Variants in NEBL observed in about 807,000 individuals in gnomAD.
The protein encoded by NEBL is LIM and SH3 protein 2.
A neutral mutation model predicts 140.2 loss-of-function variants in NEBL; 122 were observed. The ratio of observed to expected loss-of-function variants is 0.87; its 90% confidence interval spans 0.75 to 1.01. The LOEUF is 1.01. NEBL is among the 50% of genes least tolerant of loss of function. The pLI is 0.00. For missense variants in NEBL, 1,365 were observed against 1,231.3 expected (o/e 1.11, Z -1.62); for synonymous variants, 436 against 398.9 (o/e 1.09, Z -1.11).
intron 3 of NEBL, among the ~76,000 whole-genome samples, chr10:21,188,528 A>G (rs1323745931): frequency 6.6e-6 from 1 of 152,136 alleles, no homozygotes; most frequent in Non-Finnish European, 1.5e-5. Flanking sequence ...AAAATGCCTA[A>G]GTATAATAGT....
chr10:21,292,085 C>T (rs1470513941), intron 1 of NEBL, among the ~76,000 whole-genome samples: 2 of 152,132 alleles, frequency 1.3e-5, no homozygotes, highest in Non-Finnish European at 2.9e-5. Flanking sequence ...AGGACCAAAA[C>T]ATCTGATTTT....
chr10:21,212,655 C>G (rs1245519616), intron 3 of NEBL, among the ~76,000 whole-genome samples: 1 of 152,174 alleles, frequency 6.6e-6, no homozygotes, highest in Admixed American at 6.5e-5. Flanking sequence ...ATTTTTGTTA[C>G]CACACCTGGC....
intron 4 of NEBL, among the ~76,000 whole-genome samples, chr10:20,958,474 CT>C (rs1835906346): frequency 6.6e-6 from 1 of 152,134 alleles, no homozygotes; most frequent in Non-Finnish European, 1.5e-5. Context: ...ACCTGGACTT[CT>C]GAACATTATC....
At position 21,275,792 on chromosome 10, in the gene NEBL, C is replaced by T. The variant is rs1842914256; in HGVS notation, n.182+17038G>A. Among the ~76,000 whole-genome samples the T allele has an allele frequency of 3.3e-5, 5 of 150,724 alleles. No homozygotes were observed. The East Asian group carries it at 5.8e-4, about 18-fold the overall frequency. On this transcript the variant is annotated intron_variant and non_coding_transcript_variant, in intron 1 of 8. Transcript: ENST00000675702. ...AGTAGCTGGGATTACAGGCAAGTGC[C>T]ACCACACCCAGCTAATTTTTTTTTT...
upstream of NEBL, chr10:21,174,352 C>G (rs1841238895): frequency 1.3e-5 from 2 of 152,490 alleles, no homozygotes; most frequent in Admixed American, 6.5e-5. Context: ...GCGCCACCGC[C>G]GCTGCAGGCC....
intron 12 of NEBL, among the ~76,000 whole-genome samples, chr10:20,842,635 T>C (rs1026101063): frequency 6.6e-6 from 1 of 152,102 alleles, no homozygotes; most frequent in African/African-American, 2.4e-5. Context: ...CATATATTTA[T>C]GGGGTACAGA....
At position 20,799,948 on chromosome 10, in the gene NEBL, T is replaced by C. The variant is rs866976778; in HGVS notation, c.2761+8562A>G. Among the ~76,000 whole-genome samples the C allele has an allele frequency of 2.0e-5, 3 of 150,454 alleles. No individual in the cohort carries two copies. The Admixed American group carries it at 2.0e-4, about 10-fold the overall frequency. ...ACGTGTGTGTGTGTGTGTGTGTGTGTGAGACGGAGAAAGAGAGAGCGCACG... is the reference window on the plus strand; with the variant it reads ...ACGTGTGTGTGTGTGTGTGTGTGTGCGAGACGGAGAAAGAGAGAGCGCACG... On this transcript the variant is annotated intron_variant, in intron 26 of 27. Coordinates refer to ENST00000377122, the MANE Select transcript of NEBL (RefSeq NM_006393.3).
intron 2 of NEBL, among the ~76,000 whole-genome samples, chr10:21,071,768 A>C (rs1385284833): frequency 6.6e-6 from 1 of 151,550 alleles, no homozygotes; most frequent in South Asian, 2.1e-4. Flanking sequence ...TGCAGTTCCA[A>C]AGATCAGAGG....
intron 2 of NEBL, among the ~76,000 whole-genome samples, chr10:21,111,340 A>G (rs564261716): frequency 2.0e-5 from 3 of 152,300 alleles, no homozygotes; most frequent in Admixed American, 2.0e-4. Context: ...CTGACTTCAA[A>G]CTATACTACA....
intron 3 of NEBL, among the ~76,000 whole-genome samples, chr10:21,000,086 C>T (rs1262551723): frequency 6.6e-6 from 1 of 150,598 alleles, no homozygotes; most frequent in East Asian, 2.0e-4. Context: ...GAAGGCGGCC[C>T]GTGGCAGTGT....
chr10:21,000,129 G>A (rs1341367291), intron 3 of NEBL, among the ~76,000 whole-genome samples: 3 of 146,304 alleles, frequency 2.1e-5, no homozygotes, highest in African/African-American at 7.6e-5. Context: ...GAAGAGCTTT[G>A]GCCACTAGGG....
chr10:21,011,779 G>A (rs756170232), intron 3 of NEBL, among the ~76,000 whole-genome samples: 39 of 152,270 alleles, frequency 2.6e-4, no homozygotes, highest in African/African-American at 7.9e-4. Context: ...CATGCTTCTC[G>A]TTGAGGTCTA....
At chr10:21,267,321 C>T (rs1250429613) in intron 1 of NEBL, among the ~76,000 whole-genome samples, 2 of 151,806 alleles carry the variant, frequency 1.3e-5, no homozygotes, top group Non-Finnish European at 2.9e-5. Context: ...GCCATGTTGG[C>T]CAGGCTGGTC....
chr10:21,004,908 T>A (rs1838067371), intron 3 of NEBL, among the ~76,000 whole-genome samples: 1 of 152,154 alleles, frequency 6.6e-6, no homozygotes, highest in Non-Finnish European at 1.5e-5. Flanking sequence ...CCTTTCTTTT[T>A]CCTCTAAAAC....
intron 3 of NEBL, among the ~76,000 whole-genome samples, chr10:21,184,591 C>T (rs968892756): frequency 6.6e-5 from 10 of 151,992 alleles, no homozygotes; most frequent in Non-Finnish European, 5.9e-5. Context: ...GAAAAGGAAA[C>T]CTGATCCCCT....
chr10:21,160,157 C>T (rs772853407), intron 2 of NEBL, among the ~76,000 whole-genome samples: 8 of 151,956 alleles, frequency 5.3e-5, no homozygotes, highest in Non-Finnish European at 1.2e-4. Context: ...CATGTTTATT[C>T]AGTCCCTGTT....
rs71578971 is a variant in NEBL, at chr10:20,783,079, C to T, written c.*2668G>A. The T allele has an allele frequency of 4.6e-5, 7 of 152,594 alleles. No homozygotes were observed. Among genetic ancestry groups the T allele is most frequent in the African/African-American group, 1.4e-4 (6 of 41,452 alleles). 9.5% of individuals were successfully genotyped at this position (152,594 alleles called of 1,614,324 possible). A position where few individuals can be genotyped will look rare whatever the true frequency, so the allele number is the denominator to read the frequency against. The stretch of plus-strand genomic sequence containing the variant: ...TCATCTTTAACTCAATTTTTAAAAT[C>T]TTCTTTAGCTGTCAGCTTCATGCAC... On this transcript the variant is annotated 3_prime_UTR_variant, in exon 28 of 28. Transcript: ENST00000377122.
chr10:21,121,118 T>C (rs1253065955), intron 2 of NEBL, among the ~76,000 whole-genome samples: 1 of 152,188 alleles, frequency 6.6e-6, no homozygotes, highest in Non-Finnish European at 1.5e-5. Context: ...CCTGAAACTT[T>C]TTTTAACAGT....
intron 4 of NEBL, 52 bp from the exon 5 acceptor site, chr10:20,880,956 C>T: frequency 2.8e-6 from 4 of 1,430,426 alleles, no homozygotes; most frequent in Non-Finnish European, 3.9e-6. Context: ...TAAATTCTTG[C>T]CTGCTAATTT....
Sources: gnomAD v4.1 joint callset for allele counts (sites outside exome capture counted in the v4.1 genomes callset) on GRCh38, gnomAD v4.1.1 for gene constraint, MANE v1.5 for transcripts, NCBI Gene and HGNC (gene_info 2026-07-23, HGNC 2026-07-21) for gene names.